The following ABHD17A variants were observed in gnomAD, a reference collection of about 807,000 sequenced individuals.
ABHD17A encodes alpha/beta hydrolase domain-containing protein 17A.
Under a neutral mutation model 26.8 loss-of-function variants are expected in ABHD17A, and 10 were observed. The ratio of observed to expected loss-of-function variants is 0.37; its 90% CI spans 0.23 to 0.63. The LOEUF (loss-of-function observed/expected upper bound fraction) is 0.63, where lower values mean the gene tolerates loss of function less well. Ranked by LOEUF, ABHD17A falls within the 30% of genes least tolerant of loss-of-function variation. The probability of loss-of-function intolerance (pLI) is 0.61; values close to 1 mark genes in which losing one functional copy is unlikely to be tolerated. For missense variants in ABHD17A, 292 were observed against 457.3 expected, an observed-to-expected ratio of 0.64 and a Z score of 3.30; for synonymous variants, 167 against 210.9, an observed-to-expected ratio of 0.79 and a Z score of 1.80.
chr19:1,879,865 C>T lies in ABHD17A; in HGVS notation c.527+56G>A, dbSNP rs372115600. 25 of 1,517,946 alleles carry T rather than the reference C, an allele frequency of 1.6e-5. No homozygotes were observed. Among genetic ancestry groups the T allele is most frequent in the Admixed American group, 1.0e-4 (5 of 49,952 alleles). The allele number at this position is 1,517,946 out of a possible 1,614,324, so 94.0% of individuals were successfully genotyped here. On this transcript the variant is annotated intron_variant, in intron 3 of 4. Transcript: ENST00000292577. The surrounding 1 kb of genome is among the most constrained non-coding windows in gnomAD (Gnocchi z 7.6). ...CAGGGAAGCCCGCCCCCCGGCCCCC[C>T]GCCTGGTCCCCTCTTGGGTGTGCCC...
rs1270794242 is a variant in ABHD17A at position 1,879,771 on chromosome 19, G to A, written c.527+150C>T. On this transcript the variant is annotated intron_variant, in intron 3 of 4. Coordinates refer to ENST00000292577, the MANE Select transcript of ABHD17A (RefSeq NM_001130111.2). This position sits in a 1 kb window ranked among gnomAD's most constrained non-coding sequence, Gnocchi z 7.6. Reference sequence around the variant, plus strand: ...AGGCGGCACCTGCACACCCAAGCTCGCCTGTCCGGCTCTCTGGCCCTGTGC... The same window carrying A: ...AGGCGGCACCTGCACACCCAAGCTCACCTGTCCGGCTCTCTGGCCCTGTGC... The A allele has an allele frequency of 2.6e-5, 20 of 759,638 alleles. No individual in the cohort carries two copies. The highest frequency in any genetic ancestry group is 4.0e-5 in the Non-Finnish European group (19 of 477,990). The allele number at this position is 759,638 out of a possible 1,614,324, so 47.1% of individuals were successfully genotyped here.
In ABHD17A at chr19:1,877,192, G is replaced by C. The variant is rs1482374218; in HGVS notation, c.*8C>G. On this transcript the variant is annotated 3_prime_UTR_variant, in exon 5 of 5. Coordinates refer to ENST00000292577, the MANE Select transcript of ABHD17A (RefSeq NM_001130111.2). ...TTATTGCTGAGGTCCGGCCGGTTGGGGCCGCCGCTAGGCGCGCTGGCTGGG... is the reference window on the plus strand; with the variant it reads ...TTATTGCTGAGGTCCGGCCGGTTGGCGCCGCCGCTAGGCGCGCTGGCTGGG... 1 of 1,418,090 alleles carries C rather than the reference G, an allele frequency of 7.1e-7. No homozygotes were observed. The highest frequency in any genetic ancestry group is 1.4e-5 in the African/African-American group (1 of 70,606). The allele number at this position is 1,418,090 out of a possible 1,614,324, so 87.8% of individuals were successfully genotyped here.
At chr19:1,882,283 C>A (rs2012562666) in intron 1 of ABHD17A, 1 of 152,358 alleles carries the variant, frequency 6.6e-6, no homozygotes. Context: ...CCCGAACAGG[C>A]CCCGCTACGT....
In ABHD17A at chr19:1,881,841, G is replaced by T. The variant is rs1599209654; in HGVS notation, c.-238-37C>A. 15 of 413,312 alleles carry T rather than the reference G, an allele frequency of 3.6e-5. No individual in the cohort carries two copies. In the East Asian group the frequency reaches 7.5e-4, roughly 21 times the overall value. The allele number at this position is 413,312 out of a possible 1,614,324, so 25.6% of individuals were successfully genotyped here. A position where few individuals can be genotyped will look rare whatever the true frequency, so the allele number is the denominator to read the frequency against. ...CAGTGACATGTGGGGTCCTTTGGGG[G>T]TGCCACAGTCCAGCTGGGCACCCCC... On this transcript the variant is annotated intron_variant, in intron 1 of 4. Transcript: ENST00000292577.
chr19:1,881,442 T>A lies in ABHD17A; in HGVS notation c.125A>T (p.Glu42Val), dbSNP rs910439831. ...EATYSLVPEP[E>V]PGPGGAGAAP... ...GGCCCCGGCCCCACCAGGCCCCGGC[T>A]CGGGCTCAGGCACCAGGGAGTAGGT... The change falls in exon 2 of 5, where the codon GAG becomes GTG. Residue 42 changes from glutamate (E) to valine (V), a missense_variant. Glu to Val is a moderately radical substitution (Grantham distance 121). Transcript: ENST00000292577. The A allele has an allele frequency of 3.1e-6, 5 of 1,602,310 alleles. No homozygotes were observed. The African/African-American group carries it at 6.7e-5, about 21-fold the overall frequency.
chr19:1,877,469 G>A lies in ABHD17A; in HGVS notation c.707+39C>T, dbSNP rs1372215066. ...GCCGGTGAGACTTCGCGCCCGGCCC[G>A]GGCCCCGCCCCGCCCCCGTCCCCGC... On this transcript the variant is annotated intron_variant, in intron 4 of 4. Transcript: ENST00000292577. 5.1e-6 allele frequency: 8 copies of A among 1,575,548 alleles called. No individual in the cohort carries two copies. In the Admixed American group the frequency reaches 8.9e-5, roughly 18 times the overall value.
In ABHD17A at chr19:1,881,576, C is replaced by T. The variant is rs748374258; in HGVS notation, c.-10G>A. 4.4e-6 allele frequency: 7 copies of T among 1,574,136 alleles called. No homozygotes were observed. The highest frequency in any genetic ancestry group is 2.3e-5 in the East Asian group (1 of 42,936). ...GCGACAGCCCATTCATGGCGGGCGC[C>T]GCCCAGGCCGGGCCTCCACCGGGGC... is the stretch of plus-strand genomic sequence containing the variant. On this transcript the variant is annotated 5_prime_UTR_variant, in exon 2 of 5. Transcript: ENST00000292577.
intron 1 of ABHD17A, among the ~76,000 whole-genome samples, chr19:1,884,936 G>A (rs1406834050): frequency 6.6e-6 from 1 of 152,238 alleles, no homozygotes; most frequent in African/African-American, 2.4e-5. Context: ...GTGGCAGGAA[G>A]AAGCCTGACA....
intron 1 of ABHD17A, 94 bp from the exon 2 acceptor site, chr19:1,881,898 C>G: frequency 3.6e-6 from 1 of 281,334 alleles, no homozygotes; most frequent in Non-Finnish European, 6.6e-6. Context: ...TGCCAGGGGG[C>G]GGCATGGGCC....
chr19:1,879,956 G>T lies in ABHD17A; in HGVS notation c.492C>A (p.Ala164=), dbSNP rs200182634. ...SGRPSERNLY[A]DIDAAWQALR... is the part of the protein sequence containing the mutation. ...GGGCCTGCCAGGCGGCGTCGATGTC[G>T]GCATAGAGGTTCCTCTCGGAAGGCC... Residue 164 remains alanine (A), a synonymous_variant, in exon 3 of 5, where the codon GCC becomes GCA. Coordinates refer to ENST00000292577, the MANE Select transcript of ABHD17A (RefSeq NM_001130111.2). This position sits in a 1 kb window ranked among gnomAD's most constrained non-coding sequence, Gnocchi z 7.6. 3.1e-6 allele frequency: 5 copies of T among 1,612,788 alleles called. No individual in the cohort carries two copies. Among genetic ancestry groups the T allele is most frequent in the Non-Finnish European group, 4.2e-6 (5 of 1,179,920 alleles).
rs1372818014 is a variant in ABHD17A at position 1,879,299 on chromosome 19, T to A, written c.527+622A>T. On this transcript the variant is annotated intron_variant, in intron 3 of 4. Coordinates refer to ENST00000292577, the MANE Select transcript of ABHD17A (RefSeq NM_001130111.2). The surrounding 1 kb of genome is among the most constrained non-coding windows in gnomAD (Gnocchi z 7.6). The stretch of plus-strand genomic sequence containing the variant: ...CCAGAGGCCCACCCGGGTCTCCTCG[T>A]CCAAAGCAGCACTGGCCCGGGCGGT... The A allele has an allele frequency of 6.3e-6, 1 of 157,684 alleles. No individual in the cohort carries two copies. Among genetic ancestry groups the A allele is most frequent in the East Asian group, 1.9e-4 (1 of 5,202 alleles). The allele number at this position is 157,684 out of a possible 1,614,324, so 9.8% of individuals were successfully genotyped here.
At chr19:1,877,462 C>A (rs1312136683) in intron 4 of ABHD17A, 37 bp from the exon 5 acceptor site, 1 of 1,570,490 alleles carries the variant, frequency 6.4e-7, no homozygotes, top group East Asian at 2.3e-5. Flanking sequence ...GACTTCGCGC[C>A]CGGCCCGGGC....
At chr19:1,882,433 T>G (rs1212359319) in intron 1 of ABHD17A, 3 of 152,222 alleles carry the variant, frequency 2.0e-5, no homozygotes, top group Non-Finnish European at 4.4e-5. Flanking sequence ...GGCTCTTCTC[T>G]GTGCTGGAGC....
At chr19:1,878,130 C>T in intron 3 of ABHD17A, 5 of 174,650 alleles carry the variant, frequency 2.9e-5, no homozygotes, top group East Asian at 1.7e-4. Context: ...CACTATTCCT[C>T]CCTGCAGCCC....
Position 1,880,281 on chromosome 19 carries a change from G to A in ABHD17A, c.333-166C>T, listed in dbSNP as rs961758142. On this transcript the variant is annotated intron_variant, in intron 2 of 4. Transcript: ENST00000292577. The surrounding 1 kb of genome is among the most constrained non-coding windows in gnomAD (Gnocchi z 4.1). ...CCAGTGAATGGAGAGGGGAGGCTAC[G>A]ACAGCACAGCTCCATCTCCGAGGGT... 5.9e-5 allele frequency among the ~76,000 whole-genome samples: 9 copies of A among 152,332 alleles called. No homozygotes were observed. The highest frequency in any genetic ancestry group is 5.8e-4 in the East Asian group (3 of 5,176).
chr19:1,877,322 G>A lies in ABHD17A; in HGVS notation c.811C>T (p.Pro271Ser). 2 of 1,532,314 alleles carry A rather than the reference G, an allele frequency of 1.3e-6. No homozygotes were observed. Among genetic ancestry groups the A allele is most frequent in the Non-Finnish European group, 1.7e-6 (2 of 1,145,266 alleles). The allele number at this position is 1,532,314 out of a possible 1,614,324, so 94.9% of individuals were successfully genotyped here. ...SHGLALYERC[P>S]KAVEPLWVEG... ...ACCCACAGCGGCTCCACCGCCTTGGGGCAGCGCTCGTAGAGCGCCAGCCCG... is the reference window on the plus strand; with the variant it reads ...ACCCACAGCGGCTCCACCGCCTTGGAGCAGCGCTCGTAGAGCGCCAGCCCG... Residue 271 changes from proline to serine, a missense_variant, in exon 5 of 5, where the codon CCC becomes TCC. Physicochemically the swap from Pro to Ser is moderately conservative, Grantham distance 74 (BLOSUM62 -1). Around this residue, in one of 4 missense-constraint regions of ABHD17A, gnomAD observed 88 missense variants for 134.3 expected, o/e 0.66. Transcript: ENST00000292577.
chr19:1,885,191 A>G (rs2012646013), intron 1 of ABHD17A, among the ~76,000 whole-genome samples, 161 bp downstream of exon 1: 1 of 152,084 alleles, frequency 6.6e-6, no homozygotes, highest in Non-Finnish European at 1.5e-5. Flanking sequence ...ACAGACGCTC[A>G]TCCGCGGTCC....
chr19:1,883,303 T>C (rs1308874355), intron 1 of ABHD17A: 1 of 152,298 alleles, frequency 6.6e-6, no homozygotes, highest in Non-Finnish European at 1.5e-5. Flanking sequence ...CACTGGGGAC[T>C]GGGTGGAGGC....
intron 3 of ABHD17A, chr19:1,878,796 G>C (rs533562743): frequency 2.0e-5 from 3 of 152,640 alleles, no homozygotes; most frequent in Non-Finnish European, 4.4e-5. Flanking sequence ...CTACAGGCAG[G>C]AGCCCCGAGC....
Sources: allele counts gnomAD v4.1 joint callset (sites outside exome capture counted in the v4.1 genomes callset), GRCh38; gene constraint gnomAD v4.1.1; regional missense constraint gnomAD v4.1.1; non-coding constraint Gnocchi (gnomAD v3.1); transcripts MANE v1.5; gene names NCBI Gene and HGNC (gene_info 2026-07-23, HGNC 2026-07-21).